Variants in CNTN5 observed in about 807,000 individuals in gnomAD.
CNTN5 encodes the protein contactin 5.
A neutral mutation model predicts 129.1 loss-of-function variants in CNTN5; 77 were observed. That is an observed-to-expected ratio of 0.60 (90% CI 0.50 to 0.72). The LOEUF (loss-of-function observed/expected upper bound fraction) is 0.72. Ranked by LOEUF, CNTN5 falls within the 30% of genes least tolerant of loss-of-function variation. The probability of loss-of-function intolerance (pLI) is 0.00; values close to 1 mark genes in which losing one functional copy is unlikely to be tolerated. For missense variants in CNTN5, 1,478 were observed against 1,328.8 expected, an observed-to-expected ratio of 1.11 and a Z score of -1.75; for synonymous variants, 509 against 465.6, an observed-to-expected ratio of 1.09 and a Z score of -1.20.
intron 7 of CNTN5, among the ~76,000 whole-genome samples, chr11:99,953,922 A>G (rs978615833): frequency 6.6e-5 from 10 of 152,174 alleles, no homozygotes; most frequent in Middle Eastern, 3.4e-3. Flanking sequence ...TCCCGTGCCT[A>G]TGTCCTGGAT....
At chr11:99,024,603 T>C (rs1197117312) in intron 1 of CNTN5, among the ~76,000 whole-genome samples, 4 of 152,068 alleles carry the variant, frequency 2.6e-5, no homozygotes, top group African/African-American at 4.8e-5. Context: ...CACACGTCTT[T>C]AGTTTTATAT....
intron 16 of CNTN5, among the ~76,000 whole-genome samples, chr11:100,232,318 T>C (rs573722866): frequency 6.6e-6 from 1 of 152,086 alleles, no homozygotes; most frequent in African/African-American, 2.4e-5. Context: ...CAAGTAAATA[T>C]AAATCATGGG....
intron 18 of CNTN5, among the ~76,000 whole-genome samples, chr11:100,289,066 T>C (rs899187691): frequency 6.6e-6 from 1 of 151,364 alleles, no homozygotes; most frequent in Non-Finnish European, 1.5e-5. Context: ...CAGGGAGAGG[T>C]TGAATCTCTG....
At chr11:99,584,866 C>A (rs1247663902) in intron 3 of CNTN5, among the ~76,000 whole-genome samples, 4 of 152,180 alleles carry the variant, frequency 2.6e-5, no homozygotes, top group Admixed American at 2.6e-4. Flanking sequence ...TTCAGGCTTG[C>A]ATACTTGGTG....
Position 99,160,321 on chromosome 11 carries a change from G to A in CNTN5, c.-210+139051G>A, listed in dbSNP as rs192011215. The stretch of plus-strand genomic sequence containing the variant: ...TGGGGAAAGATTTCCTGAAGTATGT[G>A]CAATATTTTGTTTTGTTTAGTTTAG... On this transcript the variant is annotated intron_variant, in intron 1 of 24. Transcript: ENST00000524871. Among the ~76,000 whole-genome samples, 233 of 152,262 alleles carry A rather than the reference G, an allele frequency of 1.5e-3. 1 individual carries two copies. Among genetic ancestry groups the A allele is most frequent in the African/African-American group, 5.2e-3 (216 of 41,548 alleles).
Position 99,267,017 on chromosome 11 carries a change from G to A in CNTN5, c.-209-58329G>A, listed in dbSNP as rs145703517. ...AATTGAACTGCATTCTGTAAGTACT[G>A]GAGAATAAGAGAAGGCTTTAAAAAA... On this transcript the variant is annotated intron_variant, in intron 1 of 24. Coordinates refer to ENST00000524871, the MANE Select transcript of CNTN5 (RefSeq NM_014361.4). Among the ~76,000 whole-genome samples, 275 of 152,084 alleles carry A rather than the reference G, an allele frequency of 1.8e-3. 2 individuals carry two copies. Among genetic ancestry groups the A allele is most frequent in the Non-Finnish European group, 2.6e-3 (176 of 67,986 alleles).
chr11:99,517,918 TG>T (rs1169584802), intron 2 of CNTN5, among the ~76,000 whole-genome samples: 3 of 152,070 alleles, frequency 2.0e-5, no homozygotes, highest in African/African-American at 7.2e-5. Context: ...GCATATTTCT[TG>T]GGACATCATA....
intron 3 of CNTN5, among the ~76,000 whole-genome samples, chr11:99,573,233 A>C (rs2135583018): frequency 6.6e-6 from 1 of 152,042 alleles, no homozygotes; most frequent in South Asian, 2.1e-4. Context: ...GAACTCAGAT[A>C]ATTCCACTCT....
chr11:100,143,908 G>A (rs1946772035), intron 13 of CNTN5, among the ~76,000 whole-genome samples: 1 of 152,094 alleles, frequency 6.6e-6, no homozygotes, highest in African/African-American at 2.4e-5. Flanking sequence ...CTTGTAAACA[G>A]TCCAAAGGTT....
intron 7 of CNTN5, among the ~76,000 whole-genome samples, chr11:99,951,732 A>G (rs1329454494): frequency 6.6e-6 from 1 of 152,094 alleles, no homozygotes; most frequent in Non-Finnish European, 1.5e-5. Context: ...TGTCTATATT[A>G]CTATAATAAA....
At chr11:99,040,821 G>A (rs10892675) in intron 1 of CNTN5, among the ~76,000 whole-genome samples, 22,819 of 152,006 alleles carry the variant, frequency 0.15, 1,967 homozygotes, top group Admixed American at 0.24. Flanking sequence ...TATGCTTTCA[G>A]CTACCTTTTA....
At chr11:99,021,443 C>T (rs998193400) in intron 1 of CNTN5, among the ~76,000 whole-genome samples, 173 bp downstream of exon 1, 2 of 152,126 alleles carry the variant, frequency 1.3e-5, no homozygotes, top group Non-Finnish European at 2.9e-5. Flanking sequence ...AAACAAAACA[C>T]GACTTTATTT....
In CNTN5 at chr11:100,190,967, G is replaced by T. The variant is rs543322544; in HGVS notation, c.1581-159G>T. ...TTTAAGTAAGCTTATTATACTTCTT[G>T]AAGGGTAAAATATTTCTACTATCAC... On this transcript the variant is annotated intron_variant, in intron 13 of 24. Coordinates refer to ENST00000524871, the MANE Select transcript of CNTN5 (RefSeq NM_014361.4). Among the ~76,000 whole-genome samples the T allele has an allele frequency of 7.2e-5, 11 of 152,136 alleles. No homozygotes were observed. The East Asian group carries it at 2.1e-3, about 29-fold the overall frequency.
chr11:99,982,196 G>C (rs966138202), intron 8 of CNTN5, among the ~76,000 whole-genome samples: 3 of 152,238 alleles, frequency 2.0e-5, no homozygotes, highest in African/African-American at 7.2e-5. Context: ...AGTCTGAACA[G>C]AGCCGGGGCT....
intron 3 of CNTN5, among the ~76,000 whole-genome samples, chr11:99,718,351 C>G (rs1012896922): frequency 4.6e-5 from 7 of 152,060 alleles, no homozygotes; most frequent in African/African-American, 1.7e-4. Context: ...ATATTGTTAT[C>G]CTACAAATTT....
chr11:99,537,056 A>G (rs891813078), intron 2 of CNTN5, among the ~76,000 whole-genome samples: 2 of 152,154 alleles, frequency 1.3e-5, no homozygotes, highest in African/African-American at 4.8e-5. Flanking sequence ...TAAATACTCA[A>G]TAGCCATATG....
rs192824895 is a variant in CNTN5 at position 99,082,170 on chromosome 11, G to A, written c.-210+60900G>A. On this transcript the variant is annotated intron_variant, in intron 1 of 24. Transcript: ENST00000524871. ...CCAGTGGTGCCTAATCATTGTAACC[G>A]CCAGTGTTCTCCAAAAGCTTTTTTT... Among the ~76,000 whole-genome samples, 291 of 150,258 alleles carry A rather than the reference G, an allele frequency of 1.9e-3. 2 individuals carry two copies. The highest frequency in any genetic ancestry group is 6.7e-3 in the African/African-American group (275 of 40,794).
rs1244407898 is a variant in CNTN5 at position 99,828,212 on chromosome 11, G to GA, written c.277+8455dup. 4.6e-5 allele frequency among the ~76,000 whole-genome samples: 7 copies of GA among 152,028 alleles called. No homozygotes were observed. In the East Asian group the frequency reaches 9.7e-4, roughly 21 times the overall value. ...ATAGCTCATTATAAGAGTAATTTGT[G>GA]AAAAAAAACTTTATGAGCCTTTATA... is the stretch of plus-strand genomic sequence containing the variant. On this transcript the variant is annotated intron_variant, in intron 4 of 24. Transcript: ENST00000524871.
intron 1 of CNTN5, among the ~76,000 whole-genome samples, chr11:99,073,282 G>A (rs531333917): frequency 4.6e-5 from 7 of 150,930 alleles, no homozygotes; most frequent in South Asian, 2.1e-4. Flanking sequence ...CTTAGCTTTC[G>A]TAGAAATTGT....
Sources: gnomAD v4.1 joint callset for allele counts (sites outside exome capture counted in the v4.1 genomes callset) on GRCh38, gnomAD v4.1.1 for gene constraint, MANE v1.5 for transcripts, NCBI Gene and HGNC (gene_info 2026-07-23, HGNC 2026-07-21) for gene names.